Variants in ZFPM2 observed in about 807,000 individuals in gnomAD.
ZFPM2 encodes zinc finger protein, FOG family member 2.
A neutral mutation model predicts 98.6 loss-of-function variants in ZFPM2; 20 were observed. The ratio of observed to expected loss-of-function variants is 0.20; its 90% CI spans 0.14 to 0.29. The LOEUF (loss-of-function observed/expected upper bound fraction) is 0.29, where lower values mean the gene tolerates loss of function less well. Ranked by LOEUF, ZFPM2 falls within the 10% of genes least tolerant of loss-of-function variation. ZFPM2 has a pLI of 1.00. For synonymous variants in ZFPM2, 518 were observed against 502.7 expected, an observed-to-expected ratio of 1.03 and a Z score of -0.41; for missense variants, 1,310 against 1,388.6, an observed-to-expected ratio of 0.94 and a Z score of 0.90.
At chr8:105,481,592 TG>T (rs1468359888) in intron 3 of ZFPM2, among the ~76,000 whole-genome samples, 2 of 152,148 alleles carry the variant, frequency 1.3e-5, no homozygotes, top group Admixed American at 6.5e-5. Flanking sequence ...ACTGTCATAG[TG>T]GGAATTAGGG....
chr8:105,694,455 A>C (rs1482614894), intron 5 of ZFPM2, among the ~76,000 whole-genome samples: 1 of 152,168 alleles, frequency 6.6e-6, no homozygotes, highest in African/African-American at 2.4e-5. Flanking sequence ...TCATTCTACC[A>C]TAAAAATATC....
At chr8:105,764,722 C>A (rs377182806) in intron 5 of ZFPM2, among the ~76,000 whole-genome samples, 1 of 151,262 alleles carries the variant, frequency 6.6e-6, no homozygotes, top group Non-Finnish European at 1.5e-5. Context: ...ATACTTGATG[C>A]GATTTCAGGG....
intron 5 of ZFPM2, among the ~76,000 whole-genome samples, chr8:105,749,552 GT>G (rs1194353278): frequency 6.6e-6 from 1 of 151,950 alleles, no homozygotes; most frequent in Non-Finnish European, 1.5e-5. Flanking sequence ...GTATATCCTG[GT>G]CATGTTCAGC....
intron 5 of ZFPM2, among the ~76,000 whole-genome samples, chr8:105,666,495 C>T (rs1817491037): frequency 6.6e-6 from 1 of 152,176 alleles, no homozygotes; most frequent in Non-Finnish European, 1.5e-5. Context: ...TTCCCAAGCT[C>T]ATACTTTGAA....
chr8:105,532,805 T>C (rs10098139), intron 3 of ZFPM2, among the ~76,000 whole-genome samples: 41,741 of 152,002 alleles, frequency 0.27, 6,058 homozygotes, highest in African/African-American at 0.37. Flanking sequence ...TCGTTATGGC[T>C]GGTTTACAAG....
rs34036735 is a variant in ZFPM2, at chr8:105,795,351, T to TCACA, written c.740-3354_740-3351dup. On this transcript the variant is annotated intron_variant, in intron 6 of 7. Transcript: ENST00000407775. Reference sequence around the variant, plus strand: ...CCATTTCAAGTCAGATTCCTGAATGTCACACACACACACACACACACAAAG... The same window carrying TCACA: ...CCATTTCAAGTCAGATTCCTGAATGTCACACACACACACACACACACACACAAAG... Among the ~76,000 whole-genome samples, 106 of 145,544 alleles carry TCACA rather than the reference T, an allele frequency of 7.3e-4. 1 individual carries two copies. The highest frequency in any genetic ancestry group is 4.5e-3 in the South Asian group (20 of 4,454).
chr8:105,393,158 C>A (rs1349247310), intron 1 of ZFPM2, among the ~76,000 whole-genome samples: 1 of 152,064 alleles, frequency 6.6e-6, no homozygotes, highest in Non-Finnish European at 1.5e-5. Flanking sequence ...TCCAATCAGT[C>A]TGATTTATAA....
intron 5 of ZFPM2, among the ~76,000 whole-genome samples, chr8:105,740,541 A>ATT (rs1266525046): frequency 9.5e-5 from 14 of 147,198 alleles, no homozygotes; most frequent in African/African-American, 1.5e-4. Context: ...ATATATATAT[A>ATT]TTATATATAT....
chr8:105,393,381 T>TCTTTCTTTCTTCTTTCTTTC (rs1811156388), intron 1 of ZFPM2, among the ~76,000 whole-genome samples: 5 of 130,678 alleles, frequency 3.8e-5, no homozygotes, highest in Admixed American at 3.2e-4. Flanking sequence ...TTTCTTTCTT[T>TCTTTCTTTCTTCTTTCTTTC]CTTTCTTTCT....
intron 3 of ZFPM2, among the ~76,000 whole-genome samples, chr8:105,462,619 GC>G (rs1563670584): frequency 6.6e-6 from 1 of 152,034 alleles, no homozygotes; most frequent in Non-Finnish European, 1.5e-5. Context: ...CTATATATAT[GC>G]TTCATAGGGC....
chr8:105,413,204 A>C (rs1563647296), intron 1 of ZFPM2, among the ~76,000 whole-genome samples: 1 of 151,798 alleles, frequency 6.6e-6, no homozygotes, highest in Non-Finnish European at 1.5e-5. Context: ...CAAGCCAAGA[A>C]TACAGATTGT....
chr8:105,669,680 C>T (rs1817553045), intron 5 of ZFPM2, among the ~76,000 whole-genome samples: 1 of 151,850 alleles, frequency 6.6e-6, no homozygotes, highest in Non-Finnish European at 1.5e-5. Context: ...AACGATAATC[C>T]TCTTATGATC....
intron 1 of ZFPM2, among the ~76,000 whole-genome samples, chr8:105,393,337 C>CCTTCCTTTCTTTCTTTCTTT (rs1491284455): frequency 1.7e-5 from 2 of 114,776 alleles, no homozygotes; most frequent in Non-Finnish European, 3.7e-5. Flanking sequence ...TCTCTCTTTG[C>CCTTCCTTTCTTTCTTTCTTT]CTTTCTTTCT....
chr8:105,674,247 A>G (rs1166200728), intron 5 of ZFPM2, among the ~76,000 whole-genome samples: 1 of 152,232 alleles, frequency 6.6e-6, no homozygotes, highest in Non-Finnish European at 1.5e-5. Context: ...ATTCAATGCA[A>G]GGTCACACAA....
intron 4 of ZFPM2, among the ~76,000 whole-genome samples, chr8:105,596,067 T>C (rs1340100832): frequency 6.7e-6 from 1 of 148,894 alleles, no homozygotes; most frequent in Non-Finnish European, 1.5e-5. Context: ...GTTACCAAAA[T>C]AAAGTGTTTT....
At chr8:105,760,112 C>A (rs897281463) in intron 5 of ZFPM2, among the ~76,000 whole-genome samples, 2 of 151,822 alleles carry the variant, frequency 1.3e-5, no homozygotes, top group African/African-American at 4.8e-5. Flanking sequence ...GGGAAGACTT[C>A]TTGGTGGATA....
intron 3 of ZFPM2, among the ~76,000 whole-genome samples, chr8:105,464,255 C>CA (rs1812755158): frequency 6.6e-6 from 1 of 151,878 alleles, no homozygotes. Flanking sequence ...CCTGTGTTTT[C>CA]AAAAAACCAC....
chr8:105,403,356 A>G (rs929670737), intron 1 of ZFPM2, among the ~76,000 whole-genome samples: 1 of 151,726 alleles, frequency 6.6e-6, no homozygotes, highest in African/African-American at 2.4e-5. Flanking sequence ...TGTTGTTATT[A>G]TTTTCTGCAT....
chr8:105,525,693 A>C (rs1183628409), intron 3 of ZFPM2, among the ~76,000 whole-genome samples: 1 of 152,222 alleles, frequency 6.6e-6, no homozygotes, highest in Non-Finnish European at 1.5e-5. Context: ...TAGGCATAGC[A>C]TGTAGAATTT....
Sources: gnomAD v4.1 joint callset for allele counts (sites outside exome capture counted in the v4.1 genomes callset) on GRCh38, gnomAD v4.1.1 for gene constraint, MANE v1.5 for transcripts, NCBI Gene and HGNC (gene_info 2026-07-23, HGNC 2026-07-21) for gene names.